The following RNF8 variants were observed in gnomAD, a reference collection of about 807,000 sequenced individuals.
The protein encoded by RNF8 is ring finger protein 8, also known as E3 ubiquitin-protein ligase RNF8.
In RNF8, 8 loss-of-function variants were observed where a neutral mutation model predicts 59.3. The ratio of observed to expected loss-of-function variants is 0.13; its 90% CI spans 0.08 to 0.24. The LOEUF is 0.24. Ranked by LOEUF, RNF8 falls within the 10% of genes least tolerant of loss-of-function variation. The pLI is 1.00. For missense variants in RNF8, 406 were observed against 572.6 expected (o/e 0.71, Z 2.97); for synonymous variants, 162 against 200.0 (o/e 0.81, Z 1.60).
At chr6:37,359,278 G>A (rs1239275676) in intron 1 of RNF8, 38 of 438,522 alleles carry the variant, frequency 8.7e-5, no homozygotes, top group Non-Finnish European at 2.3e-5. Flanking sequence ...AGCTGTTCTT[G>A]TGGATAAGAC....
At position 37,391,031 on chromosome 6, in the gene RNF8, T is replaced by A. The variant is rs1280514533; in HGVS notation, c.*273T>A. On this transcript the variant is annotated 3_prime_UTR_variant, in exon 8 of 8. Transcript: ENST00000373479. ...CTCACTACATGTCGAAAGAGTTATT[T>A]GAGTTCTCTTCTGTTTTTTTTTAAT... 3.5e-6 allele frequency: 2 copies of A among 576,538 alleles called. No individual in the cohort carries two copies. The highest frequency in any genetic ancestry group is 3.8e-5 in the African/African-American group (2 of 52,996). The allele number at this position is 576,538 out of a possible 1,614,324, so 35.7% of individuals were successfully genotyped here.
chr6:37,377,017 C>A lies in RNF8; in HGVS notation c.1220C>A (p.Ser407Ter). The A allele has an allele frequency of 7.3e-7, 1 of 1,366,318 alleles. No homozygotes were observed. Among genetic ancestry groups the A allele is most frequent in the South Asian group, 1.2e-5 (1 of 86,800 alleles). 84.6% of individuals were successfully genotyped at this position (1,366,318 alleles called of 1,614,324 possible). A position where few individuals can be genotyped will look rare whatever the true frequency, so the allele number is the denominator to read the frequency against. Residue 407 changes from serine to a stop codon, truncating the protein, a stop_gained, in exon 6 of 8, where the codon TCA becomes TAA. Transcript: ENST00000373479. LOFTEE classifies it high-confidence loss of function. The part of the protein sequence containing the change: ...LENELQCIIC[S>*]EYFIEAVTLN... Reference sequence around the variant, plus strand: ...AATGAGCTCCAATGTATTATTTGTTCAGAATACTTCATTGAGGTAATTATG... The same window carrying A: ...AATGAGCTCCAATGTATTATTTGTTAAGAATACTTCATTGAGGTAATTATG...
At chr6:37,381,420 AT>A in intron 7 of RNF8, 66 bp downstream of exon 7, 1 of 1,427,078 alleles carries the variant, frequency 7.0e-7, no homozygotes, top group Non-Finnish European at 9.7e-7. Flanking sequence ...TTCAACAAAT[AT>A]TTTTGGAAAG....
intron 1 of RNF8, among the ~76,000 whole-genome samples, chr6:37,359,683 ATTCC>A (rs1211244903): frequency 1.3e-5 from 2 of 152,226 alleles, no homozygotes; most frequent in African/African-American, 2.4e-5. Context: ...AAATTTAATC[ATTCC>A]TAAGTTCGAG....
chr6:37,382,972 CAAAAA>C (rs1236176308), intron 7 of RNF8, among the ~76,000 whole-genome samples: 8 of 88,006 alleles, frequency 9.1e-5, no homozygotes, highest in Non-Finnish European at 1.6e-4. Flanking sequence ...GACTCTGTCT[CAAAAA>C]AAAAAAAAAA....
At chr6:37,362,470 C>T (rs1242238358) in intron 2 of RNF8, among the ~76,000 whole-genome samples, 2 of 151,650 alleles carry the variant, frequency 1.3e-5, no homozygotes, top group Non-Finnish European at 2.9e-5. Context: ...GGTTTCTTAA[C>T]AACCTGTTTA....
chr6:37,381,236 G>T lies in RNF8; in HGVS notation c.1323G>T (p.Arg441=). ...MKRKIECPIC[R]KDIKSKTYSL... ...GGAAGATAGAATGCCCCATTTGTCG[G>T]AAGGACATTAAGTCCAAAACGTACT... The change falls in exon 7 of 8, where the codon CGG becomes CGT. Residue 441 remains arginine (R), a synonymous_variant. Transcript: ENST00000373479. 1 of 1,614,142 alleles carries T rather than the reference G, an allele frequency of 6.2e-7. No homozygotes were observed. The highest frequency in any genetic ancestry group is 1.1e-5 in the South Asian group (1 of 91,082).
rs1263535786 is a variant in RNF8, at chr6:37,381,067, TC to T, written c.1237-81del. 3 of 1,181,522 alleles carry T rather than the reference TC, an allele frequency of 2.5e-6. No homozygotes were observed. The Admixed American group carries it at 5.2e-5, about 21-fold the overall frequency. 73.2% of individuals were successfully genotyped at this position (1,181,522 alleles called of 1,614,324 possible). A position where few individuals can be genotyped will look rare whatever the true frequency, so the allele number is the denominator to read the frequency against. On this transcript the variant is annotated intron_variant, in intron 6 of 7. Transcript: ENST00000373479. The stretch of plus-strand genomic sequence containing the variant: ...TTTCCATTTGGCCTTTGAAATTCAC[TC>T]CTGTCCTAACTTTGAGATCACAAGC...
In RNF8 at chr6:37,360,389, ACCTCCCTTTTC is replaced by A; in HGVS notation, c.112-56_112-46del. 2 of 1,600,530 alleles carry A rather than the reference ACCTCCCTTTTC, an allele frequency of 1.2e-6. No homozygotes were observed. ...TGCTGGTTGATGAGATTTGTAAAGG[ACCTCCCTTTTC>A]AGCACAATGACTGATGGTATTTCTT... On this transcript the variant is annotated intron_variant, in intron 1 of 7. Transcript: ENST00000373479. The surrounding 1 kb of genome is among the most constrained non-coding windows in gnomAD (Gnocchi z 4.2).
chr6:37,373,559 A>G (rs1044367572), intron 4 of RNF8, among the ~76,000 whole-genome samples: 1 of 152,114 alleles, frequency 6.6e-6, no homozygotes, highest in African/African-American at 2.4e-5. Context: ...GGCGCGCGCC[A>G]CAATGCCCGA....
intron 1 of RNF8, among the ~76,000 whole-genome samples, chr6:37,355,026 A>G (rs543626374): frequency 3.7e-4 from 57 of 152,280 alleles, no homozygotes; most frequent in African/African-American, 1.2e-3. Context: ...TGGGTCGGGC[A>G]GGTATTCAGA....
intron 5 of RNF8, 104 bp from the exon 6 acceptor site, chr6:37,376,822 C>A (rs1325937714): frequency 1.4e-6 from 1 of 705,556 alleles, no homozygotes; most frequent in Non-Finnish European, 2.6e-6. Context: ...GAATGAATCA[C>A]TCATTAAGAC....
rs7741526 is a variant in RNF8, at chr6:37,371,794, A to G, written c.1038+220A>G. Among the ~76,000 whole-genome samples the G allele has an allele frequency of 1.8e-3, 268 of 152,328 alleles. 2 individuals are homozygous for G. The highest frequency in any genetic ancestry group is 6.1e-3 in the African/African-American group (253 of 41,576). On this transcript the variant is annotated intron_variant, in intron 4 of 7. Transcript: ENST00000373479. Reference sequence around the variant, plus strand: ...TGAAAACTTACATCTTTGTCTGAGCAGAAGTTGCTCTGGTGAAGATGGAAT... The same window carrying G: ...TGAAAACTTACATCTTTGTCTGAGCGGAAGTTGCTCTGGTGAAGATGGAAT...
In RNF8 at chr6:37,360,311, C is replaced by A; in HGVS notation, c.112-135C>A. The A allele has an allele frequency of 2.2e-6, 2 of 894,708 alleles. No individual in the cohort carries two copies. Among genetic ancestry groups the A allele is most frequent in the Non-Finnish European group, 1.8e-6 (1 of 561,770 alleles). 55.4% of individuals were successfully genotyped at this position (894,708 alleles called of 1,614,324 possible). ...ACAGCTGAAGAGGAGATAGCTGATG[C>A]ACTGTTTTGGTTCCACAGGTGTCTG... On this transcript the variant is annotated intron_variant, in intron 1 of 7. Coordinates refer to ENST00000373479, the MANE Select transcript of RNF8 (RefSeq NM_003958.4). This position sits in a 1 kb window ranked among gnomAD's most constrained non-coding sequence, Gnocchi z 4.2.
At chr6:37,372,498 C>T (rs1769852443) in intron 4 of RNF8, among the ~76,000 whole-genome samples, 1 of 151,878 alleles carries the variant, frequency 6.6e-6, no homozygotes, top group Non-Finnish European at 1.5e-5. Context: ...GGCATGTTTC[C>T]CATTTGGAAC....
chr6:37,375,392 A>G lies in RNF8; in HGVS notation c.1128+683A>G, dbSNP rs9462304. ...AATATCCCAAATTTTAAATATTGGC[A>G]ACAACTTCAGCTTTTTGTGTGTGTT... is the stretch of plus-strand genomic sequence containing the variant. On this transcript the variant is annotated intron_variant, in intron 5 of 7. Coordinates refer to ENST00000373479, the MANE Select transcript of RNF8 (RefSeq NM_003958.4). Among the ~76,000 whole-genome samples the G allele has an allele frequency of 3.5e-3, 535 of 152,338 alleles. 1 individual carries two copies. Among genetic ancestry groups the G allele is most frequent in the African/African-American group, 0.011 (472 of 41,570 alleles).
At chr6:37,374,338 A>G (rs947997605) in intron 4 of RNF8, among the ~76,000 whole-genome samples, 1 of 152,222 alleles carries the variant, frequency 6.6e-6, no homozygotes, top group Non-Finnish European at 1.5e-5. Flanking sequence ...TCTGGGACAC[A>G]GTGAAAGTTC....
At chr6:37,357,900 G>C (rs1769179259) in intron 1 of RNF8, among the ~76,000 whole-genome samples, 1 of 152,202 alleles carries the variant, frequency 6.6e-6, no homozygotes, top group Non-Finnish European at 1.5e-5. Context: ...AAACAAGACA[G>C]ATAAAGTCCC....
At chr6:37,382,531 A>C (rs1378865035) in intron 7 of RNF8, among the ~76,000 whole-genome samples, 1 of 152,068 alleles carries the variant, frequency 6.6e-6, no homozygotes, top group Non-Finnish European at 1.5e-5. Flanking sequence ...TGAGAGGAGC[A>C]GTGATCTGGG....
Sources: allele counts gnomAD v4.1 joint callset (sites outside exome capture counted in the v4.1 genomes callset), GRCh38; gene constraint gnomAD v4.1.1; non-coding constraint Gnocchi (gnomAD v3.1); transcripts MANE v1.5; gene names NCBI Gene and HGNC (gene_info 2026-07-23, HGNC 2026-07-21).